Variants in SYS1 observed in about 807,000 individuals in gnomAD.
The protein encoded by SYS1 is protein SYS1 homolog.
SYS1 carries 8 observed loss-of-function variants against 17.8 expected under a neutral mutation model. The ratio of observed to expected loss-of-function variants is 0.45; its 90% CI spans 0.26 to 0.81. The LOEUF is 0.81. SYS1 is among the 40% of genes least tolerant of loss of function. SYS1 has a pLI of 0.16. For synonymous variants in SYS1, 95 were observed against 90.9 expected (o/e 1.05, Z -0.26); for missense variants, 161 against 203.9 (o/e 0.79, Z 1.28).
At position 45,367,380 on chromosome 20, in the gene SYS1, A is replaced by G; in HGVS notation, c.*265A>G. The G allele has an allele frequency of 7.8e-7, 1 of 1,283,244 alleles. No individual in the cohort carries two copies. Among genetic ancestry groups the G allele is most frequent in the South Asian group, 1.9e-5 (1 of 53,514 alleles). The allele number at this position is 1,283,244 out of a possible 1,614,324, so 79.5% of individuals were successfully genotyped here. On this transcript the variant is annotated 3_prime_UTR_variant, in exon 4 of 4. Transcript: ENST00000243918. ...CTTTGAGGGTAATAACAGAATTGGA[A>G]CCATGCCACTCTTGAGCCACAATAC...
chr20:45,362,770 T>C (rs1012381520), upstream of SYS1, among the ~76,000 whole-genome samples: 6 of 152,316 alleles, frequency 3.9e-5, no homozygotes, highest in Admixed American at 1.3e-4. Context: ...AGCGGGAACA[T>C]TGGCAAACTC....
At position 45,367,803 on chromosome 20, in the gene SYS1, T is replaced by C. The variant is rs569687819; in HGVS notation, c.*688T>C. 3.4e-5 allele frequency: 34 copies of C among 986,058 alleles called. No individual in the cohort carries two copies. In the South Asian group the frequency reaches 8.5e-4, roughly 25 times the overall value. 61.1% of individuals were successfully genotyped at this position (986,058 alleles called of 1,614,324 possible). ...TGCCAGCTCTCAACATAGCAGGCCA[T>C]AGGACCCAGAGAAGAATCCCAGCGT... On this transcript the variant is annotated 3_prime_UTR_variant, in exon 4 of 4. Transcript: ENST00000243918.
intron 2 of SYS1, 28 bp downstream of exon 2, chr20:45,363,721 G>A: frequency 6.5e-7 from 1 of 1,545,088 alleles, no homozygotes; most frequent in East Asian, 2.4e-5. Context: ...GGGCGGGTGG[G>A]GTCTCGGCCT....
chr20:45,370,798 CT>C (rs1165780809), downstream of SYS1, among the ~76,000 whole-genome samples: 2 of 152,164 alleles, frequency 1.3e-5, no homozygotes, highest in African/African-American at 4.8e-5. Flanking sequence ...AGGTAGGGCC[CT>C]GGGGACCTAG....
chr20:45,374,854 T>C (rs1404077877), exon 4 of SYS1: 1 of 745,090 alleles, frequency 1.3e-6, no homozygotes, highest in Non-Finnish European at 2.1e-6. Flanking sequence ...ACCTAGTCAC[T>C]ACCCTTCTGT....
chr20:45,371,053 C>A (rs1988550778), downstream of SYS1, among the ~76,000 whole-genome samples: 1 of 152,124 alleles, frequency 6.6e-6, no homozygotes, highest in Non-Finnish European at 1.5e-5. Flanking sequence ...GTCCTGGAGT[C>A]CCATTACTAG....
chr20:45,365,808 CAG>C (rs1988394025), intron 3 of SYS1, 122 bp downstream of exon 3: 1 of 967,798 alleles, frequency 1.0e-6, no homozygotes, highest in Non-Finnish European at 1.7e-6. Context: ...AAGTGGGTGA[CAG>C]AGGCCAGTTC....
At chr20:45,369,746 C>T (rs1293136300), downstream of SYS1, among the ~76,000 whole-genome samples, 1 of 151,844 alleles carries the variant, frequency 6.6e-6, no homozygotes, top group Non-Finnish European at 1.5e-5. Context: ...GGACTATAGG[C>T]ACATGCCACC....
exon 4 of SYS1, chr20:45,375,146 G>A: frequency 6.2e-7 from 1 of 1,614,168 alleles, no homozygotes; most frequent in Non-Finnish European, 8.5e-7. Flanking sequence ...CTGGGCGCCG[G>A]GAGGTGGATT....
upstream of SYS1, chr20:45,361,949 A>G (rs1311335283): frequency 1.6e-5 from 16 of 979,932 alleles, no homozygotes; most frequent in Non-Finnish European, 1.9e-5. Context: ...GGAACAACTT[A>G]CTTCCCGTCT....
At chr20:45,372,140 G>C, downstream of SYS1, among the ~76,000 whole-genome samples, 1 of 152,228 alleles carries the variant, frequency 6.6e-6, no homozygotes, top group Non-Finnish European at 1.5e-5. Flanking sequence ...ACAAAGAGAG[G>C]GTGGTAGTGG....
intron 3 of SYS1, 198 bp downstream of exon 3, chr20:45,365,884 G>A: frequency 3.2e-6 from 2 of 615,904 alleles, no homozygotes; most frequent in East Asian, 2.7e-5. Context: ...AAGCTCTTAT[G>A]TCACTATGTT....
chr20:45,367,031 C>T lies in SYS1; in HGVS notation c.387C>T (p.Leu129=), dbSNP rs1347891146. ...WWLVQAVCIA[L]MAVIGEYLCM... ...TGGTCCAAGCCGTGTGCATTGCACT[C>T]ATGGCTGTCATCGGGGAGTACCTGT... The change falls in exon 4 of 4, where the codon CTC becomes CTT. Residue 129 remains leucine (L), a synonymous_variant. Transcript: ENST00000243918. 2 of 1,614,198 alleles carry T rather than the reference C, an allele frequency of 1.2e-6. No homozygotes were observed. Among genetic ancestry groups the T allele is most frequent in the Admixed American group, 1.7e-5 (1 of 60,014 alleles).
exon 4 of SYS1, chr20:45,374,784 A>G (rs1988670652): frequency 1.9e-6 from 1 of 521,282 alleles, no homozygotes; most frequent in South Asian, 3.0e-5. Context: ...AGGCAGTGAG[A>G]TGGCTCACTT....
chr20:45,375,060 C>T (rs374933412), exon 4 of SYS1: 9 of 1,613,774 alleles, frequency 5.6e-6, no homozygotes, highest in Non-Finnish European at 6.8e-6. Context: ...GCCACATAGG[C>T]ATTTCAAGTG....
At chr20:45,363,023 C>A, upstream of SYS1, 1 of 837,856 alleles carries the variant, frequency 1.2e-6, no homozygotes, top group Non-Finnish European at 1.4e-6. Context: ...TGCCTTCACT[C>A]TTCCTTCTGC....
At chr20:45,363,041 C>A (rs902462280), upstream of SYS1, 76 of 918,900 alleles carry the variant, frequency 8.3e-5, no homozygotes, top group Non-Finnish European at 1.8e-5. Flanking sequence ...TGCGCATGTG[C>A]TCAGTTCGCT....
At position 45,368,672 on chromosome 20, in the gene SYS1, C is replaced by T. The variant is rs1257429717; in HGVS notation, c.*1557C>T. 1.0e-6 allele frequency: 1 copy of T among 985,296 alleles called. No homozygotes were observed. Among genetic ancestry groups the T allele is most frequent in the East Asian group, 1.1e-4 (1 of 8,826 alleles). The allele number at this position is 985,296 out of a possible 1,614,324, so 61.0% of individuals were successfully genotyped here. ...GAGGCACCTCAGTAACTCATGGTACCTTGGCCAAGTTGGAAGGAAGCAGTT... is the reference window on the plus strand; with the variant it reads ...GAGGCACCTCAGTAACTCATGGTACTTTGGCCAAGTTGGAAGGAAGCAGTT... On this transcript the variant is annotated 3_prime_UTR_variant, in exon 4 of 4. Transcript: ENST00000243918.
chr20:45,371,252 AATAAG>A (rs1988555062), downstream of SYS1, among the ~76,000 whole-genome samples: 2 of 152,202 alleles, frequency 1.3e-5, no homozygotes. Context: ...GTGAAGATGC[AATAAG>A]ATGTCACGTG....
Sources: gnomAD v4.1 joint callset for allele counts (sites outside exome capture counted in the v4.1 genomes callset) on GRCh38, gnomAD v4.1.1 for gene constraint, MANE v1.5 for transcripts, NCBI Gene and HGNC (gene_info 2026-07-23, HGNC 2026-07-21) for gene names.